The following EPHA5 variants were observed in gnomAD, a reference collection of about 807,000 sequenced individuals.
The protein encoded by EPHA5 is EPH receptor A5.
Under a neutral mutation model 105.0 loss-of-function variants are expected in EPHA5, and 60 were observed. The observed-to-expected ratio is 0.57, with a 90% CI of 0.46 to 0.71. EPHA5 has a LOEUF of 0.71. EPHA5 is among the 30% of genes least tolerant of loss of function. The pLI is 0.00. For synonymous variants in EPHA5, 513 were observed against 449.1 expected (o/e 1.14, Z -1.80); for missense variants, 1,218 against 1,274.7 (o/e 0.96, Z 0.68).
chr4:65,464,871 A>T (rs1312911287), intron 5 of EPHA5, among the ~76,000 whole-genome samples: 1 of 152,106 alleles, frequency 6.6e-6, no homozygotes, highest in African/African-American at 2.4e-5. Flanking sequence ...TCATTTATTT[A>T]TTCATTTAAA....
intron 3 of EPHA5, among the ~76,000 whole-genome samples, chr4:65,513,757 T>A (rs1228244277): frequency 6.6e-6 from 1 of 152,160 alleles, no homozygotes; most frequent in Non-Finnish European, 1.5e-5. Context: ...AGTTCTACCA[T>A]TTTTTATATT....
At chr4:65,546,125 C>T (rs958248021) in intron 3 of EPHA5, among the ~76,000 whole-genome samples, 1 of 151,906 alleles carries the variant, frequency 6.6e-6, no homozygotes, top group Non-Finnish European at 1.5e-5. Flanking sequence ...TCCAAAGAAC[C>T]ATACTTTGGT....
At chr4:65,484,848 G>C (rs1041381953) in intron 5 of EPHA5, among the ~76,000 whole-genome samples, 1 of 151,172 alleles carries the variant, frequency 6.6e-6, no homozygotes, top group African/African-American at 2.4e-5. Context: ...CAGAGTAACT[G>C]TTTTTAACAG....
intron 3 of EPHA5, among the ~76,000 whole-genome samples, chr4:65,594,423 T>C (rs1003143063): frequency 6.6e-6 from 1 of 152,176 alleles, no homozygotes; most frequent in Non-Finnish European, 1.5e-5. Flanking sequence ...CATGTCATCA[T>C]CATATAAAAC....
In EPHA5 at chr4:65,353,027, A is replaced by G. The variant is rs13435235; in HGVS notation, c.2235+15T>C. 2,623 of 1,494,960 alleles carry G rather than the reference A, an allele frequency of 1.8e-3. 45 individuals carry two copies. The African/African-American group carries it at 0.034, about 19-fold the overall frequency. The allele number at this position is 1,494,960 out of a possible 1,614,324, so 92.6% of individuals were successfully genotyped here. On this transcript the variant is annotated intron_variant, in intron 12 of 16. Transcript: ENST00000613740. ...AAATAACACCTTGAATAACTAAATT[A>G]TTCCCCAATCCTACCTTCAAAAATG... is the stretch of plus-strand genomic sequence containing the variant.
intron 14 of EPHA5, among the ~76,000 whole-genome samples, chr4:65,337,630 T>C (rs1192275373): frequency 6.6e-6 from 1 of 152,062 alleles, no homozygotes; most frequent in African/African-American, 2.4e-5. Context: ...AGCACATTTC[T>C]GAGGGTAGAA....
intron 3 of EPHA5, among the ~76,000 whole-genome samples, chr4:65,517,561 T>C (rs1289905642): frequency 6.6e-6 from 1 of 151,866 alleles, no homozygotes; most frequent in African/African-American, 2.4e-5. Context: ...TACTATTATA[T>C]TGTCTGTTTT....
At chr4:65,326,575 T>A (rs1389466618) in intron 16 of EPHA5, among the ~76,000 whole-genome samples, 1 of 151,356 alleles carries the variant, frequency 6.6e-6, no homozygotes, top group African/African-American at 2.4e-5. Flanking sequence ...TAAAGAATTA[T>A]GTAGATGTGC....
chr4:65,634,753 T>C (rs1560801401), intron 2 of EPHA5, among the ~76,000 whole-genome samples: 1 of 152,040 alleles, frequency 6.6e-6, no homozygotes, highest in African/African-American at 2.4e-5. Context: ...CTCTTTTTTT[T>C]ACCCACTTCA....
intron 5 of EPHA5, among the ~76,000 whole-genome samples, chr4:65,487,500 T>C (rs914670958): frequency 3.3e-5 from 5 of 152,138 alleles, no homozygotes; most frequent in Admixed American, 2.6e-4. Context: ...CCCCAATGGC[T>C]CCCATGGCTA....
chr4:65,333,203 A>T (rs11945886), intron 15 of EPHA5, among the ~76,000 whole-genome samples: 1 of 151,118 alleles, frequency 6.6e-6, no homozygotes, highest in Non-Finnish European at 1.5e-5. Context: ...AAATTTACAT[A>T]ATTTACATGT....
chr4:65,483,913 T>G (rs995407883), intron 5 of EPHA5, among the ~76,000 whole-genome samples: 4 of 152,160 alleles, frequency 2.6e-5, no homozygotes, highest in Non-Finnish European at 5.9e-5. Context: ...ATGTTTCAAC[T>G]AGAGCCGTCA....
At chr4:65,582,939 C>T (rs77234925) in intron 3 of EPHA5, among the ~76,000 whole-genome samples, 5,325 of 151,624 alleles carry the variant, frequency 0.035, 293 homozygotes, top group African/African-American at 0.12. Context: ...CTTATTATAT[C>T]TTTGTCTCTT....
chr4:65,414,233 T>G, intron 7 of EPHA5, 51 bp downstream of exon 7: 2 of 1,566,346 alleles, frequency 1.3e-6, no homozygotes, highest in South Asian at 2.2e-5. Context: ...ACTGACTCTT[T>G]TCTGGTAACC....
chr4:65,534,980 G>A (rs1318703674), intron 3 of EPHA5, among the ~76,000 whole-genome samples: 1 of 152,046 alleles, frequency 6.6e-6, no homozygotes, highest in Non-Finnish European at 1.5e-5. Flanking sequence ...TTTCTTATGA[G>A]ATACTTTGAA....
chr4:65,356,823 C>T (rs1019453903), intron 11 of EPHA5, among the ~76,000 whole-genome samples: 1 of 151,374 alleles, frequency 6.6e-6, no homozygotes, highest in African/African-American at 2.4e-5. Context: ...CAAAACATAG[C>T]CTGCTAGCCT....
At chr4:65,503,302 C>G (rs979631064) in intron 3 of EPHA5, among the ~76,000 whole-genome samples, 1 of 151,702 alleles carries the variant, frequency 6.6e-6, no homozygotes, top group Non-Finnish European at 1.5e-5. Flanking sequence ...TTAAAAATGT[C>G]TTCTCAGTAT....
chr4:65,431,959 A>G (rs1394608499), intron 5 of EPHA5, among the ~76,000 whole-genome samples: 1 of 152,198 alleles, frequency 6.6e-6, no homozygotes, highest in Non-Finnish European at 1.5e-5. Flanking sequence ...TATTTCTGAC[A>G]AGTAGTGAAG....
Position 65,323,364 on chromosome 4 carries a change from AAC to A in EPHA5, c.*748_*749del, listed in dbSNP as rs1454053304. On this transcript the variant is annotated 3_prime_UTR_variant, in exon 17 of 17. Transcript: ENST00000613740. ...CTATTAGAAATGCAAGCAGAATGGT[AAC>A]ACACACATGTGCAAGCAAACACACA... 1.7e-5 allele frequency: 4 copies of A among 230,092 alleles called. No homozygotes were observed. Among genetic ancestry groups the A allele is most frequent in the Non-Finnish European group, 3.4e-5 (4 of 116,084 alleles). 14.3% of individuals were successfully genotyped at this position (230,092 alleles called of 1,614,324 possible). A position where few individuals can be genotyped will look rare whatever the true frequency, so the allele number is the denominator to read the frequency against.
Sources: allele counts gnomAD v4.1 joint callset (sites outside exome capture counted in the v4.1 genomes callset), GRCh38; gene constraint gnomAD v4.1.1; transcripts MANE v1.5; gene names NCBI Gene and HGNC (gene_info 2026-07-23, HGNC 2026-07-21).